Variants in RNLS observed in about 807,000 individuals in gnomAD.
The protein encoded by RNLS is renalase.
Under a neutral mutation model 39.8 loss-of-function variants are expected in RNLS, and 39 were observed. That is an observed-to-expected ratio of 0.98 (90% confidence interval 0.76 to 1.28). RNLS has a LOEUF of 1.28. RNLS is among the 50% of genes most tolerant of loss of function. RNLS has a pLI of 0.00. For synonymous variants in RNLS, 147 were observed against 150.7 expected, an observed-to-expected ratio of 0.98 and a Z score of 0.18; for missense variants, 410 against 413.3, an observed-to-expected ratio of 0.99 and a Z score of 0.07.
chr10:88,574,870 C>T (rs1162023132), intron 3 of RNLS, among the ~76,000 whole-genome samples: 3 of 151,978 alleles, frequency 2.0e-5, no homozygotes, highest in African/African-American at 7.2e-5. Context: ...AGCTCTGCTT[C>T]ACTCTGTTTT....
intron 4 of RNLS, among the ~76,000 whole-genome samples, chr10:88,393,076 G>A (rs1025528787): frequency 6.6e-6 from 1 of 152,146 alleles, no homozygotes; most frequent in South Asian, 2.1e-4. Flanking sequence ...CAAACCCACA[G>A]CCAATATCAT....
the RNLS span, among the ~76,000 whole-genome samples, chr10:88,186,579 C>T: frequency 6.6e-6 from 1 of 152,126 alleles, no homozygotes; most frequent in African/African-American, 2.4e-5. Context: ...CATTCAGTGC[C>T]ATACACATGA....
chr10:88,193,012 T>G, the RNLS span, among the ~76,000 whole-genome samples: 3 of 152,168 alleles, frequency 2.0e-5, no homozygotes, highest in African/African-American at 7.2e-5. Context: ...CATCGAAGTA[T>G]AGTGCTGGCT....
chr10:88,287,825 G>A (rs1483557056), intron 6 of RNLS, among the ~76,000 whole-genome samples: 1 of 151,932 alleles, frequency 6.6e-6, no homozygotes, highest in Non-Finnish European at 1.5e-5. Context: ...AGCGGAAACT[G>A]CCAACATGAT....
At chr10:88,391,242 G>A (rs1260788709) in intron 4 of RNLS, among the ~76,000 whole-genome samples, 1 of 152,028 alleles carries the variant, frequency 6.6e-6, no homozygotes, top group Non-Finnish European at 1.5e-5. Flanking sequence ...TTACAATTAG[G>A]CAATCATATT....
At chr10:88,301,812 CAGAG>C (rs549501524) in intron 6 of RNLS, among the ~76,000 whole-genome samples, 2 of 151,794 alleles carry the variant, frequency 1.3e-5, no homozygotes, top group Admixed American at 6.6e-5. Flanking sequence ...TTATGTAAAA[CAGAG>C]AGAAGAGAAA....
At chr10:88,414,349 A>G (rs1413951798) in intron 4 of RNLS, among the ~76,000 whole-genome samples, 1 of 152,090 alleles carries the variant, frequency 6.6e-6, no homozygotes, top group Non-Finnish European at 1.5e-5. Flanking sequence ...GCTGTTATTT[A>G]AAGACTGGTG....
At chr10:88,374,980 C>G (rs1850861788) in intron 4 of RNLS, among the ~76,000 whole-genome samples, 1 of 152,112 alleles carries the variant, frequency 6.6e-6, no homozygotes, top group African/African-American at 2.4e-5. Flanking sequence ...CTCATTCTTA[C>G]CAGAAGTTTT....
Position 88,300,182 on chromosome 10 carries a change from A to G in RNLS, c.876+14284T>C, listed in dbSNP as rs921364607. On this transcript the variant is annotated intron_variant, in intron 6 of 6. Transcript: ENST00000331772. ...CCTCTAATCCTCAGTTTTCTCATCT[A>G]TGTGATGAGGAAGGGATACAAACTC... Among the ~76,000 whole-genome samples, 9 of 152,256 alleles carry G rather than the reference A, an allele frequency of 5.9e-5. No homozygotes were observed. In the Middle Eastern group the frequency reaches 0.01, roughly 173 times the overall value.
the RNLS span, among the ~76,000 whole-genome samples, chr10:88,257,620 C>G: frequency 0.091 from 13,812 of 152,138 alleles, 848 homozygotes; most frequent in East Asian, 0.21. Context: ...TCTAAATGGT[C>G]AGGCTGGGAG....
chr10:88,357,155 C>A (rs1849254731), intron 5 of RNLS, among the ~76,000 whole-genome samples: 1 of 152,172 alleles, frequency 6.6e-6, no homozygotes. Flanking sequence ...CTAAATGCCA[C>A]ACAAAGTCTT....
intron 5 of RNLS, among the ~76,000 whole-genome samples, chr10:88,342,414 A>G (rs956278685): frequency 3.3e-5 from 5 of 152,166 alleles, no homozygotes; most frequent in Non-Finnish European, 7.4e-5. Flanking sequence ...CAGATTCCCA[A>G]ATTGTTATCT....
In RNLS at chr10:88,482,183, T is replaced by A. The variant is rs115871097; in HGVS notation, c.526+90720A>T. Among the ~76,000 whole-genome samples, 354 of 152,288 alleles carry A rather than the reference T, an allele frequency of 2.3e-3. 2 individuals carry two copies. The highest frequency in any genetic ancestry group is 7.9e-3 in the African/African-American group (329 of 41,572). On this transcript the variant is annotated intron_variant, in intron 4 of 6. Coordinates refer to ENST00000331772, the MANE Select transcript of RNLS (RefSeq NM_001031709.3). ...TTAATTGGGTTTCTTGTATCTGTAA[T>A]GTTGGCTTTCAAATTTGGCAACTCT...
At chr10:88,340,954 GAGGCTGAGGC>G (rs1328596829) in intron 5 of RNLS, among the ~76,000 whole-genome samples, 2 of 151,744 alleles carry the variant, frequency 1.3e-5, no homozygotes, top group African/African-American at 4.8e-5. Context: ...AGCTACTCGG[GAGGCTGAGGC>G]AGGAGAATCG....
chr10:88,450,116 G>C (rs1323005608), intron 4 of RNLS, among the ~76,000 whole-genome samples: 1 of 152,062 alleles, frequency 6.6e-6, no homozygotes, highest in African/African-American at 2.4e-5. Context: ...TCTTACAGTA[G>C]GGTAAGCTAC....
At position 88,346,373 on chromosome 10, in the gene RNLS, C is replaced by T. The variant is rs142288793; in HGVS notation, c.700+16179G>A. Among the ~76,000 whole-genome samples, 625 of 152,258 alleles carry T rather than the reference C, an allele frequency of 4.1e-3. 5 individuals carry two copies. Among genetic ancestry groups the T allele is most frequent in the African/African-American group, 0.014 (598 of 41,562 alleles). Reference sequence around the variant, plus strand: ...ACTTGTTTCTCCTTTTCAGGTTTTACTGACAATACTATATAGTCAAGTATT... The same window carrying T: ...ACTTGTTTCTCCTTTTCAGGTTTTATTGACAATACTATATAGTCAAGTATT... On this transcript the variant is annotated intron_variant, in intron 5 of 6. Coordinates refer to ENST00000331772, the MANE Select transcript of RNLS (RefSeq NM_001031709.3).
In RNLS at chr10:88,284,705, T is replaced by G. The variant is rs1275479139; in HGVS notation, c.*649A>C. The G allele has an allele frequency of 3.0e-6, 3 of 985,336 alleles. No homozygotes were observed. The highest frequency in any genetic ancestry group is 3.6e-6 in the Non-Finnish European group (3 of 829,886). 61.0% of individuals were successfully genotyped at this position (985,336 alleles called of 1,614,324 possible). ...ATTAGGACTGGAATTTGTTTGAAAG[T>G]TAAAAAGTACTGTGTGGCTGGGAAA... On this transcript the variant is annotated 3_prime_UTR_variant, in exon 7 of 7. Transcript: ENST00000331772.
At position 88,491,310 on chromosome 10, in the gene RNLS, G is replaced by T. The variant is rs186136097; in HGVS notation, c.526+81593C>A. 6.0e-4 allele frequency among the ~76,000 whole-genome samples: 92 copies of T among 152,220 alleles called. 1 individual carries two copies. In the Middle Eastern group the frequency reaches 0.024, roughly 39 times the overall value. ...CCCAGTAAGATGCACACATTATTTC[G>T]GGATAAGAGTAGCCTACCTGCACCT... is the stretch of plus-strand genomic sequence containing the variant. On this transcript the variant is annotated intron_variant, in intron 4 of 6. Coordinates refer to ENST00000331772, the MANE Select transcript of RNLS (RefSeq NM_001031709.3).
chr10:88,527,643 A>G (rs1847186392), intron 4 of RNLS, among the ~76,000 whole-genome samples: 1 of 152,116 alleles, frequency 6.6e-6, no homozygotes, highest in Admixed American at 6.6e-5. Context: ...TCCTTGGTGA[A>G]ATGTGCCAGT....
Sources: gnomAD v4.1 joint callset for allele counts (sites outside exome capture counted in the v4.1 genomes callset) on GRCh38, gnomAD v4.1.1 for gene constraint, MANE v1.5 for transcripts, NCBI Gene and HGNC (gene_info 2026-07-23, HGNC 2026-07-21) for gene names.